Variants in ZFHX3 observed in about 807,000 individuals in gnomAD.
ZFHX3 encodes the protein zinc finger homeobox 3.
ZFHX3 carries 42 observed loss-of-function variants against 279.1 expected under a neutral mutation model. The ratio of observed to expected loss-of-function variants is 0.15; its 90% CI spans 0.12 to 0.19. The LOEUF (loss-of-function observed/expected upper bound fraction) is 0.19, where lower values mean the gene tolerates loss of function less well. ZFHX3 is among the 10% of genes least tolerant of loss of function. ZFHX3 has a pLI of 1.00. For missense variants in ZFHX3, 4,981 were observed against 4,754.0 expected, an observed-to-expected ratio of 1.05 and a Z score of -1.40; for synonymous variants, 2,293 against 1,957.8, an observed-to-expected ratio of 1.17 and a Z score of -4.52.
chr16:72,819,754 C>T (rs575050765), intron 5 of ZFHX3, among the ~76,000 whole-genome samples: 1 of 152,292 alleles, frequency 6.6e-6, no homozygotes, highest in South Asian at 2.1e-4. Flanking sequence ...GTCTCATAGC[C>T]TAGATGTTTT....
chr16:72,915,912 C>T (rs559393570), intron 3 of ZFHX3, among the ~76,000 whole-genome samples: 1 of 152,376 alleles, frequency 6.6e-6, no homozygotes, highest in Admixed American at 6.5e-5. Context: ...GAATCACCCA[C>T]TCTAGACGTA....
intron 4 of ZFHX3, among the ~76,000 whole-genome samples, chr16:72,839,219 A>C (rs1449238903): frequency 2.0e-5 from 3 of 151,244 alleles, no homozygotes; most frequent in African/African-American, 7.3e-5. Flanking sequence ...TCCAGTCCAA[A>C]TAACCATGAA....
At chr16:73,852,664 C>T (rs1019928678) in intron 1 of ZFHX3, among the ~76,000 whole-genome samples, 1 of 152,138 alleles carries the variant, frequency 6.6e-6, no homozygotes, top group Non-Finnish European at 1.5e-5. Context: ...ACTCCTTTTT[C>T]AGACTTTTCT....
rs1220207719 is a variant in ZFHX3, at chr16:72,950,462, G to A, written c.3216+7C>T. The A allele has an allele frequency of 1.9e-6, 3 of 1,612,260 alleles. No homozygotes were observed. The highest frequency in any genetic ancestry group is 1.7e-6 in the Non-Finnish European group (2 of 1,178,594). On this transcript the variant is annotated splice_region_variant and intron_variant, in intron 3 of 9. Coordinates refer to ENST00000268489, the MANE Select transcript of ZFHX3 (RefSeq NM_006885.4). ...GAGCGCCTGAGCCATAAGGAGCTGGGCCTTACCTTGTACAACTTCAGGCTG... is the reference window on the plus strand; with the variant it reads ...GAGCGCCTGAGCCATAAGGAGCTGGACCTTACCTTGTACAACTTCAGGCTG...
chr16:73,008,911 CGTGTGTGTGT>C (rs5817822), intron 1 of ZFHX3, among the ~76,000 whole-genome samples: 4 of 149,714 alleles, frequency 2.7e-5, no homozygotes, highest in African/African-American at 7.4e-5. Context: ...AAAGTATATA[CGTGTGTGTGT>C]GTGTGTGTGT....
intron 2 of ZFHX3, among the ~76,000 whole-genome samples, chr16:73,631,715 G>A (rs536028731): frequency 1.3e-5 from 2 of 152,200 alleles, no homozygotes; most frequent in East Asian, 3.9e-4. Context: ...GACCAGCCTG[G>A]GCAAAATGGT....
chr16:73,498,712 G>T (rs2019183735), intron 2 of ZFHX3, among the ~76,000 whole-genome samples: 1 of 152,198 alleles, frequency 6.6e-6, no homozygotes, highest in African/African-American at 2.4e-5. Context: ...AGCAGAAGAA[G>T]TTGAATTACG....
chr16:73,443,086 G>A (rs925875353), intron 3 of ZFHX3, among the ~76,000 whole-genome samples: 2 of 152,110 alleles, frequency 1.3e-5, no homozygotes, highest in Non-Finnish European at 2.9e-5. Flanking sequence ...CATGTTCTGA[G>A]GTATGGGGAT....
intron 2 of ZFHX3, among the ~76,000 whole-genome samples, chr16:73,676,118 G>A (rs776696428): frequency 6.6e-5 from 10 of 151,946 alleles, no homozygotes; most frequent in South Asian, 2.1e-4. Context: ...GAATCATATC[G>A]AGAACAGTGA....
At chr16:73,712,852 A>C (rs1220254021) in intron 1 of ZFHX3, among the ~76,000 whole-genome samples, 1 of 152,238 alleles carries the variant, frequency 6.6e-6, no homozygotes, top group Non-Finnish European at 1.5e-5. Flanking sequence ...GTGGCCCAGC[A>C]ATAGGCAATA....
Position 72,958,526 on chromosome 16 carries a change from G to A in ZFHX3, c.1620C>T (p.Leu540=), listed in dbSNP as rs770772974. The stretch of plus-strand genomic sequence containing the variant: ...AAGCTGTGCCCCTCGACAGGGTCTG[G>A]AGCACGTTAGGCATTAAGGGGGAGT... ...ISNSPLMPNV[L]QTLSRGTAST... The change falls in exon 2 of 10, where the codon CTC becomes CTT. Residue 540 remains leucine, a synonymous_variant. Transcript: ENST00000268489. The A allele has an allele frequency of 7.4e-6, 12 of 1,614,074 alleles. No homozygotes were observed. The Middle Eastern group carries it at 4.9e-4, about 67-fold the overall frequency.
chr16:73,036,114 A>G (rs1038742604), intron 1 of ZFHX3, among the ~76,000 whole-genome samples: 3 of 151,958 alleles, frequency 2.0e-5, no homozygotes, highest in African/African-American at 7.3e-5. Flanking sequence ...CACACAGCAC[A>G]CGCGTGCGCG....
chr16:73,155,184 A>C (rs942567244), intron 5 of ZFHX3, among the ~76,000 whole-genome samples: 16 of 139,752 alleles, frequency 1.1e-4, no homozygotes, highest in African/African-American at 3.9e-4. Flanking sequence ...AAAAAACAAA[A>C]AAAAAAAAAA....
At chr16:73,848,259 G>A (rs746873192) in intron 1 of ZFHX3, among the ~76,000 whole-genome samples, 2 of 151,986 alleles carry the variant, frequency 1.3e-5, no homozygotes, top group African/African-American at 2.4e-5. Context: ...GGAGCACTCA[G>A]GAGCTTCCTA....
chr16:73,153,590 C>T (rs1967001702), intron 5 of ZFHX3, among the ~76,000 whole-genome samples: 1 of 152,188 alleles, frequency 6.6e-6, no homozygotes, highest in African/African-American at 2.4e-5. Flanking sequence ...CCATTACGGG[C>T]TTTAATTTTC....
Position 72,923,862 on chromosome 16 carries a change from G to A in ZFHX3, c.3216+26607C>T, listed in dbSNP as rs553245990. On this transcript the variant is annotated intron_variant, in intron 3 of 9. Coordinates refer to ENST00000268489, the MANE Select transcript of ZFHX3 (RefSeq NM_006885.4). ...TTTTCATCCTACTTTGAATTGCCTC[G>A]TCCTACCACGTTCAAGACGCGGCTA... 9.2e-5 allele frequency among the ~76,000 whole-genome samples: 14 copies of A among 152,268 alleles called. No homozygotes were observed. In the South Asian group the frequency reaches 2.7e-3, roughly 29 times the overall value.
intron 5 of ZFHX3, among the ~76,000 whole-genome samples, chr16:73,197,456 C>G (rs1968175046): frequency 6.6e-6 from 1 of 152,142 alleles, no homozygotes; most frequent in South Asian, 2.1e-4. Context: ...GTACCCTGCT[C>G]CAGACATTGT....
intron 3 of ZFHX3, chr16:73,400,546 C>T (rs2017229718): frequency 6.6e-6 from 1 of 152,126 alleles, no homozygotes. Flanking sequence ...TCATCTTCGC[C>T]GTCTTCCAAT....
chr16:73,173,609 C>T (rs887189335), intron 5 of ZFHX3, among the ~76,000 whole-genome samples: 4 of 152,096 alleles, frequency 2.6e-5, no homozygotes, highest in Non-Finnish European at 5.9e-5. Context: ...GGTCAGGACC[C>T]CTGTTCCCTA....
Sources: allele counts gnomAD v4.1 joint callset (sites outside exome capture counted in the v4.1 genomes callset), GRCh38; gene constraint gnomAD v4.1.1; transcripts MANE v1.5; gene names NCBI Gene and HGNC (gene_info 2026-07-23, HGNC 2026-07-21).